The following CDH12 variants were observed in gnomAD, a reference collection of about 807,000 sequenced individuals.
The protein encoded by CDH12 is cadherin-12.
CDH12 carries 41 observed loss-of-function variants against 74.1 expected under a neutral mutation model. The ratio of observed to expected loss-of-function variants is 0.55; its 90% CI spans 0.43 to 0.72. The LOEUF is 0.72. Among genes scored for constraint, CDH12 ranks in the 30% least tolerant of loss-of-function variants. CDH12 has a pLI of 0.00. For synonymous variants in CDH12, 399 were observed against 355.0 expected (o/e 1.12, Z -1.39); for missense variants, 945 against 977.2 (o/e 0.97, Z 0.44).
At chr5:21,770,387 G>A (rs1375171475) in intron 11 of CDH12, among the ~76,000 whole-genome samples, 2 of 152,116 alleles carry the variant, frequency 1.3e-5, no homozygotes, top group African/African-American at 2.4e-5. Context: ...AATTTGGGAG[G>A]CCAAGGCAAG....
intron 9 of CDH12, among the ~76,000 whole-genome samples, chr5:21,803,520 G>A (rs1310496663): frequency 2.0e-5 from 3 of 151,968 alleles, no homozygotes; most frequent in Non-Finnish European, 4.4e-5. Context: ...TTAGCTTATC[G>A]CTGCTTACTT....
chr5:21,870,367 C>A (rs1025440387), intron 6 of CDH12, among the ~76,000 whole-genome samples: 1 of 152,118 alleles, frequency 6.6e-6, no homozygotes, highest in South Asian at 2.1e-4. Flanking sequence ...TCAATGAGGG[C>A]AGGGACCATC....
chr5:22,326,034 A>C (rs980899602), intron 3 of CDH12, among the ~76,000 whole-genome samples: 2 of 152,188 alleles, frequency 1.3e-5, no homozygotes, highest in African/African-American at 4.8e-5. Context: ...GGCATAAATA[A>C]ATCTAATTAT....
At chr5:22,555,510 G>A (rs902457873) in intron 1 of CDH12, among the ~76,000 whole-genome samples, 16 of 151,874 alleles carry the variant, frequency 1.1e-4, no homozygotes, top group Admixed American at 7.2e-4. Flanking sequence ...AGGACAAAAT[G>A]TTGCAAAACA....
At chr5:22,802,119 AT>A (rs397883677) in intron 1 of CDH12, among the ~76,000 whole-genome samples, 8,821 of 123,482 alleles carry the variant, frequency 0.071, 176 homozygotes, top group East Asian at 0.14. Flanking sequence ...TTAAATTCGT[AT>A]TTTTTTTTTT....
At chr5:22,271,167 T>C (rs1459405353) in intron 3 of CDH12, among the ~76,000 whole-genome samples, 2 of 152,222 alleles carry the variant, frequency 1.3e-5, no homozygotes, top group Non-Finnish European at 2.9e-5. Context: ...GCTGCTGCTT[T>C]ATCAACTTAG....
intron 2 of CDH12, among the ~76,000 whole-genome samples, chr5:22,496,206 C>T (rs1371540493): frequency 1.3e-5 from 2 of 152,078 alleles, no homozygotes; most frequent in East Asian, 3.9e-4. Context: ...GTGACATATC[C>T]AACACAGCTA....
intron 1 of CDH12, among the ~76,000 whole-genome samples, chr5:22,725,957 A>G (rs1163102997): frequency 6.6e-6 from 1 of 151,686 alleles, no homozygotes; most frequent in Non-Finnish European, 1.5e-5. Flanking sequence ...TTTACAGCAA[A>G]ATTTAGGGGA....
intron 4 of CDH12, among the ~76,000 whole-genome samples, chr5:22,094,020 A>G (rs1266955475): frequency 6.6e-6 from 1 of 152,172 alleles, no homozygotes; most frequent in African/African-American, 2.4e-5. Flanking sequence ...TCACTGCTTC[A>G]CCATGACCAC....
At chr5:22,263,881 C>A (rs1030288654) in intron 3 of CDH12, among the ~76,000 whole-genome samples, 4 of 151,892 alleles carry the variant, frequency 2.6e-5, no homozygotes, top group Non-Finnish European at 4.4e-5. Flanking sequence ...CAATAGTAAA[C>A]CTAGGGTTCA....
At chr5:22,235,865 G>A (rs896590446) in intron 3 of CDH12, among the ~76,000 whole-genome samples, 15 of 152,148 alleles carry the variant, frequency 9.9e-5, no homozygotes, top group Non-Finnish European at 1.0e-4. Context: ...ATCACAGTGT[G>A]CACCACAGAA....
intron 1 of CDH12, among the ~76,000 whole-genome samples, chr5:22,557,926 T>C (rs1240323910): frequency 6.6e-6 from 1 of 152,072 alleles, no homozygotes; most frequent in Non-Finnish European, 1.5e-5. Context: ...AATATTTTTG[T>C]CCAAATTATT....
chr5:22,824,760 T>C (rs1388353603), intron 1 of CDH12, among the ~76,000 whole-genome samples: 2 of 151,784 alleles, frequency 1.3e-5, no homozygotes, highest in African/African-American at 4.8e-5. Context: ...AATTCAAATA[T>C]GTCAGCAGTT....
chr5:22,514,192 G>A (rs1024155813), intron 1 of CDH12, among the ~76,000 whole-genome samples: 10 of 151,732 alleles, frequency 6.6e-5, no homozygotes, highest in South Asian at 4.2e-4. Context: ...GCCTGAAGTC[G>A]GTCAATTGAC....
intron 6 of CDH12, among the ~76,000 whole-genome samples, chr5:21,877,454 A>T (rs1751998139): frequency 6.6e-6 from 1 of 152,142 alleles, no homozygotes; most frequent in Non-Finnish European, 1.5e-5. Context: ...CCTACAACAG[A>T]GCTTGGTATA....
At position 22,250,537 on chromosome 5, in the gene CDH12, G is replaced by T. The variant is rs146000053; in HGVS notation, c.-332-37894C>A. On this transcript the variant is annotated intron_variant, in intron 3 of 14. Coordinates refer to ENST00000382254, the MANE Select transcript of CDH12 (RefSeq NM_004061.5). ...GCCACATGCTATTTGTTAGATGTGGGTCACTAAATCCAATCTATATTCTTG... is the reference window on the plus strand; with the variant it reads ...GCCACATGCTATTTGTTAGATGTGGTTCACTAAATCCAATCTATATTCTTG... Among the ~76,000 whole-genome samples the T allele has an allele frequency of 3.5e-3, 540 of 152,200 alleles. 7 individuals are homozygous for T. Among genetic ancestry groups the T allele is most frequent in the African/African-American group, 0.012 (509 of 41,516 alleles).
intron 1 of CDH12, among the ~76,000 whole-genome samples, chr5:22,515,560 A>G (rs1467166025): frequency 6.6e-6 from 1 of 152,062 alleles, no homozygotes; most frequent in Admixed American, 6.6e-5. Flanking sequence ...ATTATTTATA[A>G]TTATTTAGAA....
chr5:22,571,805 G>A (rs1277010403), intron 1 of CDH12, among the ~76,000 whole-genome samples: 14 of 152,138 alleles, frequency 9.2e-5, no homozygotes, highest in Admixed American at 7.2e-4. Flanking sequence ...GGGGGCAATC[G>A]GAACACATAA....
At chr5:21,975,562 T>C (rs943243582) in intron 5 of CDH12, among the ~76,000 whole-genome samples, 177 bp from the exon 6 acceptor site, 34 of 152,208 alleles carry the variant, frequency 2.2e-4, no homozygotes, top group Non-Finnish European at 1.6e-4. Context: ...CCAACTTCTT[T>C]TTATAAAAAT....
Sources: gnomAD v4.1 joint callset for allele counts (sites outside exome capture counted in the v4.1 genomes callset) on GRCh38, gnomAD v4.1.1 for gene constraint, MANE v1.5 for transcripts, NCBI Gene and HGNC (gene_info 2026-07-23, HGNC 2026-07-21) for gene names.